FBXL17: variants seen among roughly 807,000 people sequenced by gnomAD.
FBXL17 encodes F-box and leucine rich repeat protein 17, also known as F-box/LRR-repeat protein 17.
FBXL17 carries 22 observed loss-of-function variants against 66.2 expected under a neutral mutation model. The observed-to-expected ratio is 0.33, with a 90% CI of 0.24 to 0.47. FBXL17 has a LOEUF of 0.47. FBXL17 is among the 20% of genes least tolerant of loss of function. The pLI, the probability that FBXL17 is intolerant of heterozygous loss-of-function variation, is 1.00. For missense variants in FBXL17, 878 were observed against 948.2 expected (o/e 0.93, Z 0.97); for synonymous variants, 474 against 400.5 (o/e 1.18, Z -2.19).
chr5:108,169,146 C>G (rs992851036), intron 6 of FBXL17, among the ~76,000 whole-genome samples: 4 of 152,148 alleles, frequency 2.6e-5, no homozygotes, highest in Non-Finnish European at 4.4e-5. Context: ...GTCCTACTTA[C>G]AGATGGATGG....
intron 7 of FBXL17, among the ~76,000 whole-genome samples, chr5:108,009,263 ATATATATATATATATATATATATAT>A: frequency 2.7e-5 from 1 of 36,432 alleles, no homozygotes; most frequent in Admixed American, 3.5e-4. Context: ...TCCCTGTTTT[ATATATATATATATATATATATATAT>A]ATATATATAT....
intron 4 of FBXL17, among the ~76,000 whole-genome samples, chr5:108,243,262 A>G (rs984779467): frequency 2.0e-5 from 3 of 152,194 alleles, no homozygotes; most frequent in African/African-American, 7.2e-5. Context: ...CTTTCCTTCA[A>G]TTTGCTGACC....
chr5:107,922,717 T>C (rs1750365986), intron 7 of FBXL17, among the ~76,000 whole-genome samples: 2 of 152,296 alleles, frequency 1.3e-5, no homozygotes, highest in East Asian at 1.9e-4. Context: ...CTACTTCATA[T>C]TCAGTCAAAT....
chr5:108,171,401 A>G (rs1752600790), intron 6 of FBXL17, among the ~76,000 whole-genome samples: 2 of 152,148 alleles, frequency 1.3e-5, no homozygotes, highest in African/African-American at 4.8e-5. Flanking sequence ...TGCACTTGCT[A>G]TCTGTGATCT....
At chr5:108,375,224 C>T (rs1408114570) in intron 1 of FBXL17, among the ~76,000 whole-genome samples, 2 of 151,984 alleles carry the variant, frequency 1.3e-5, no homozygotes, top group Admixed American at 1.3e-4. Context: ...AGGCATGCGC[C>T]AGCATGCCTG....
chr5:108,113,476 C>A (rs757164271), intron 6 of FBXL17, among the ~76,000 whole-genome samples: 8 of 151,518 alleles, frequency 5.3e-5, no homozygotes, highest in Non-Finnish European at 1.2e-4. Context: ...TCCAGTGTAT[C>A]GAGAATGGAA....
At chr5:107,989,776 A>G (rs1279881632) in intron 7 of FBXL17, among the ~76,000 whole-genome samples, 1 of 152,138 alleles carries the variant, frequency 6.6e-6, no homozygotes, top group African/African-American at 2.4e-5. Context: ...TCATCAGAAC[A>G]TCTAAATAAG....
chr5:108,227,291 C>T (rs1308381302), intron 4 of FBXL17, among the ~76,000 whole-genome samples: 1 of 152,170 alleles, frequency 6.6e-6, no homozygotes, highest in Non-Finnish European at 1.5e-5. Context: ...TATTTCTAAG[C>T]AGCCCTGCTT....
rs574234009 is a variant in FBXL17 at position 108,183,641 on chromosome 5, G to A, written c.1745+2476C>T. 1.3e-3 allele frequency among the ~76,000 whole-genome samples: 203 copies of A among 152,234 alleles called. 1 individual carries two copies. The highest frequency in any genetic ancestry group is 4.5e-3 in the African/African-American group (188 of 41,552). On this transcript the variant is annotated intron_variant, in intron 6 of 8. Transcript: ENST00000542267. ...ACATGGATGAATTCTACAGTGGTGA[G>A]GTATAGGATTTTGGTGCGCCCATCC...
At chr5:108,172,544 A>C (rs953253293) in intron 6 of FBXL17, among the ~76,000 whole-genome samples, 1 of 152,194 alleles carries the variant, frequency 6.6e-6, no homozygotes, top group African/African-American at 2.4e-5. Context: ...AACTACAAAT[A>C]ATCACAGAAG....
At chr5:108,106,360 C>T (rs943343766) in intron 6 of FBXL17, among the ~76,000 whole-genome samples, 1 of 152,166 alleles carries the variant, frequency 6.6e-6, no homozygotes, top group African/African-American at 2.4e-5. Context: ...CTGGGAGTTC[C>T]TCAGAATATT....
intron 6 of FBXL17, among the ~76,000 whole-genome samples, chr5:108,097,649 C>T (rs911803454): frequency 1.5e-4 from 23 of 151,594 alleles, no homozygotes; most frequent in African/African-American, 4.1e-4. Context: ...ATTAGCCGGG[C>T]GTGGTGGTGC....
chr5:108,323,339 ACTATT>A (rs1248823349), intron 4 of FBXL17, among the ~76,000 whole-genome samples: 6 of 151,896 alleles, frequency 4.0e-5, no homozygotes, highest in Non-Finnish European at 8.8e-5. Flanking sequence ...AATTAAGAGA[ACTATT>A]CAATTTACAG....
chr5:108,163,644 G>A (rs286774), intron 6 of FBXL17, among the ~76,000 whole-genome samples: 7,640 of 152,016 alleles, frequency 0.05, 668 homozygotes, highest in African/African-American at 0.17. Flanking sequence ...CTCATGATCC[G>A]CCCATCTAGG....
At chr5:107,928,922 T>C (rs1248765997) in intron 7 of FBXL17, among the ~76,000 whole-genome samples, 1 of 152,200 alleles carries the variant, frequency 6.6e-6, no homozygotes. Flanking sequence ...AGCAGATTTT[T>C]TTTTTCCAAA....
chr5:108,038,314 T>C (rs968982175), intron 6 of FBXL17, among the ~76,000 whole-genome samples: 1 of 144,874 alleles, frequency 6.9e-6, no homozygotes, highest in Non-Finnish European at 1.6e-5. Context: ...TACATTTTTT[T>C]AAAAAACCCA....
At chr5:108,017,810 T>C (rs1019507108) in intron 7 of FBXL17, among the ~76,000 whole-genome samples, 6 of 152,216 alleles carry the variant, frequency 3.9e-5, no homozygotes, top group African/African-American at 1.4e-4. Context: ...TTGTTTATAG[T>C]TGCTACCCTT....
intron 6 of FBXL17, among the ~76,000 whole-genome samples, chr5:108,105,495 T>C (rs1477883571): frequency 6.6e-6 from 1 of 152,182 alleles, no homozygotes; most frequent in African/African-American, 2.4e-5. Context: ...GTTGCCTTTA[T>C]CTGAAAAGAA....
intron 7 of FBXL17, among the ~76,000 whole-genome samples, chr5:108,007,663 G>T (rs1036074352): frequency 6.9e-6 from 1 of 144,502 alleles, no homozygotes; most frequent in African/African-American, 2.9e-5. Flanking sequence ...CGGTATGTAG[G>T]CTACTAAATA....
Sources: allele counts gnomAD v4.1 joint callset (sites outside exome capture counted in the v4.1 genomes callset), GRCh38; gene constraint gnomAD v4.1.1; transcripts MANE v1.5; gene names NCBI Gene and HGNC (gene_info 2026-07-23, HGNC 2026-07-21).